The following NUP188 variants were observed in gnomAD, a reference collection of about 807,000 sequenced individuals.
The protein encoded by NUP188 is nucleoporin NUP188.
A neutral mutation model predicts 223.0 loss-of-function variants in NUP188; 97 were observed. The observed-to-expected ratio is 0.43, with a 90% CI of 0.37 to 0.51. The LOEUF (loss-of-function observed/expected upper bound fraction) is 0.51, where lower values mean the gene tolerates loss of function less well. Ranked by LOEUF, NUP188 falls within the 20% of genes least tolerant of loss-of-function variation. The pLI, the probability that NUP188 is intolerant of heterozygous loss-of-function variation, is 0.00. For missense variants in NUP188, 1,947 were observed against 2,175.6 expected (o/e 0.89, Z 2.09); for synonymous variants, 869 against 828.0 (o/e 1.05, Z -0.85).
chr9:129,006,378 G>C lies in NUP188; in HGVS notation c.5073+10G>C. The C allele has an allele frequency of 6.2e-7, 1 of 1,614,180 alleles. No homozygotes were observed. The highest frequency in any genetic ancestry group is 1.3e-5 in the African/African-American group (1 of 75,042). ...GCTCAGCTCTGAGTTGGTACGGATGGATAGGGATACGGAGGGCTGGACCAA... is the reference window on the plus strand; with the variant it reads ...GCTCAGCTCTGAGTTGGTACGGATGCATAGGGATACGGAGGGCTGGACCAA... On this transcript the variant is annotated intron_variant, in intron 43 of 43. Coordinates refer to ENST00000372577, the MANE Select transcript of NUP188 (RefSeq NM_015354.3).
intron 30 of NUP188, among the ~76,000 whole-genome samples, chr9:128,995,807 T>C (rs1010265176): frequency 6.6e-6 from 1 of 152,236 alleles, no homozygotes; most frequent in African/African-American, 2.4e-5. Context: ...CCTGGCTGCA[T>C]CTGCCTCTTG....
intron 13 of NUP188, among the ~76,000 whole-genome samples, chr9:128,980,163 G>A (rs1842235851): frequency 6.6e-6 from 1 of 152,172 alleles, no homozygotes; most frequent in Non-Finnish European, 1.5e-5. Flanking sequence ...ATCTACCTGT[G>A]TATTTTACCC....
chr9:128,947,958 C>A, intron 1 of NUP188: 1 of 404,092 alleles, frequency 2.5e-6, no homozygotes, highest in Non-Finnish European at 4.3e-6. Context: ...GGGGGGCCGG[C>A]TCTTCACCCC....
At chr9:128,984,123 G>GTTTTTTTTTTT (rs1564560013) in intron 19 of NUP188, among the ~76,000 whole-genome samples, 1 of 106,526 alleles carries the variant, frequency 9.4e-6, no homozygotes, top group African/African-American at 5.9e-5. Flanking sequence ...CGCCTGGCCT[G>GTTTTTTTTTTT]ATTTTTTTTT....
intron 23 of NUP188, 49 bp downstream of exon 23, chr9:128,987,766 A>T: frequency 6.3e-7 from 1 of 1,591,548 alleles, no homozygotes; most frequent in South Asian, 1.1e-5. Context: ...TTGTGCCTGC[A>T]TGTTACTAAT....
At chr9:128,963,231 A>G (rs545470913) in intron 8 of NUP188, among the ~76,000 whole-genome samples, 2 of 151,188 alleles carry the variant, frequency 1.3e-5, no homozygotes, top group Non-Finnish European at 2.9e-5. Context: ...GTTTTCATTT[A>G]TCCTGGGTAA....
chr9:128,961,585 T>TAG (rs1564551915), intron 8 of NUP188, among the ~76,000 whole-genome samples: 79 of 123,028 alleles, frequency 6.4e-4, no homozygotes, highest in African/African-American at 3.6e-3. Flanking sequence ...TATCTATCTA[T>TAG]CTATCTAGAT....
intron 2 of NUP188, among the ~76,000 whole-genome samples, chr9:128,949,449 C>T (rs1185657803): frequency 1.3e-5 from 2 of 152,118 alleles, no homozygotes; most frequent in African/African-American, 4.8e-5. Context: ...TCTCCTGCCT[C>T]AGCTTCTCGA....
chr9:128,985,651 A>G (rs758690658), intron 20 of NUP188, among the ~76,000 whole-genome samples: 2 of 152,250 alleles, frequency 1.3e-5, no homozygotes, highest in African/African-American at 2.4e-5. Context: ...ACAGAATGCT[A>G]TATGGTCTCT....
chr9:128,951,683 A>G (rs576232195), intron 2 of NUP188, among the ~76,000 whole-genome samples: 278 of 152,328 alleles, frequency 1.8e-3, no homozygotes, highest in African/African-American at 6.5e-3. Context: ...TAAGCAAAGA[A>G]AAGAAGGTTA....
Position 129,006,629 on chromosome 9 carries a change from A to T in NUP188, c.5201A>T (p.Glu1734Val), listed in dbSNP as rs768128559. Residue 1734 changes from glutamate to valine, a missense_variant, in exon 44 of 44, where the codon GAG (glutamate) becomes GTG (valine). This residue lies in a region of NUP188 where 905 missense variants were observed against 990.6 expected (regional missense o/e 0.91). Coordinates refer to ENST00000372577, the MANE Select transcript of NUP188 (RefSeq NM_015354.3). Reference protein sequence around the residue: ...SLSKASPESQEPLIQLVQAFV... With the variant: ...SLSKASPESQVPLIQLVQAFV... ...TCCAAAGCCAGCCCTGAGAGTCAGG[A>T]GCCTCTGATCCAGTTGGTGCAGGCG... 6.2e-6 allele frequency: 10 copies of T among 1,614,016 alleles called. No individual in the cohort carries two copies. The South Asian group carries it at 1.1e-4, about 18-fold the overall frequency.
At chr9:128,950,878 A>G (rs1011261435) in intron 2 of NUP188, among the ~76,000 whole-genome samples, 24 of 152,204 alleles carry the variant, frequency 1.6e-4, no homozygotes, top group African/African-American at 5.8e-4. Flanking sequence ...CTTTGCTGAA[A>G]TGAGACTACC....
intron 36 of NUP188, among the ~76,000 whole-genome samples, chr9:129,002,549 C>T (rs1427473431): frequency 6.6e-6 from 1 of 152,232 alleles, no homozygotes; most frequent in Non-Finnish European, 1.5e-5. Context: ...ATGTAGGGGC[C>T]AGAGCAGGGC....
At position 128,993,592 on chromosome 9, in the gene NUP188, A is replaced by G; in HGVS notation, c.2915A>G (p.Asp972Gly). ...VLELIDSQQQDRYWCPPLLHR... is the reference protein window; with the variant it reads ...VLELIDSQQQGRYWCPPLLHR... ...GAGCTGATTGATTCCCAACAGCAAG[A>G]TCGATACTGGTGCCCACCCCTGCTG... is the stretch of plus-strand genomic sequence containing the variant. Residue 972 changes from aspartate (D) to glycine (G), a missense_variant, in exon 27 of 44, where the codon GAT becomes GGT. This residue lies in a region of NUP188 where 905 missense variants were observed against 990.6 expected (regional missense o/e 0.91). Coordinates refer to ENST00000372577, the MANE Select transcript of NUP188 (RefSeq NM_015354.3). 1 of 1,614,176 alleles carries G rather than the reference A, an allele frequency of 6.2e-7. No individual in the cohort carries two copies. Among genetic ancestry groups the G allele is most frequent in the Non-Finnish European group, 8.5e-7 (1 of 1,180,026 alleles).
intron 8 of NUP188, among the ~76,000 whole-genome samples, chr9:128,959,643 C>T (rs1841919283): frequency 6.7e-6 from 1 of 149,832 alleles, no homozygotes; most frequent in South Asian, 2.1e-4. Context: ...AGTGATTCTA[C>T]TGCCCCAGCC....
At chr9:129,003,208 A>C (rs1419114492) in intron 37 of NUP188, 109 bp from the exon 38 acceptor site, 2 of 1,370,382 alleles carry the variant, frequency 1.5e-6, no homozygotes, top group East Asian at 2.3e-5. Context: ...TTCTTTGCCA[A>C]CTCAGCATTT....
intron 2 of NUP188, among the ~76,000 whole-genome samples, chr9:128,952,035 C>T (rs1022239156): frequency 2.6e-5 from 4 of 152,208 alleles, no homozygotes; most frequent in Admixed American, 6.5e-5. Flanking sequence ...CTAGGGGATC[C>T]GCCCGCTTCG....
At chr9:128,991,572 T>C (rs1346096702) in intron 25 of NUP188, among the ~76,000 whole-genome samples, 1 of 150,050 alleles carries the variant, frequency 6.7e-6, no homozygotes, top group Non-Finnish European at 1.5e-5. Flanking sequence ...CTGGGCGTGG[T>C]GGCTCATGCC....
chr9:128,967,682 C>T (rs997977418), intron 8 of NUP188, among the ~76,000 whole-genome samples: 4 of 151,736 alleles, frequency 2.6e-5, no homozygotes, highest in Admixed American at 2.0e-4. Context: ...CCCAGCTACT[C>T]GGGAGGCTGA....
Sources: gnomAD v4.1 joint callset for allele counts (sites outside exome capture counted in the v4.1 genomes callset) on GRCh38, gnomAD v4.1.1 for gene constraint, gnomAD v4.1.1 regional missense constraint, MANE v1.5 for transcripts, NCBI Gene and HGNC (gene_info 2026-07-23, HGNC 2026-07-21) for gene names.